Variants in WDR83 observed in about 807,000 individuals in gnomAD.
WDR83 encodes the protein WD repeat domain-containing protein 83.
A neutral mutation model predicts 37.7 loss-of-function variants in WDR83; 37 were observed. That is an observed-to-expected ratio of 0.98 (90% CI 0.76 to 1.29). The LOEUF (loss-of-function observed/expected upper bound fraction) is 1.29. Ranked by LOEUF, WDR83 falls within the 50% of genes most tolerant of loss-of-function variation. The pLI is 0.00. For synonymous variants in WDR83, 174 were observed against 181.1 expected, an observed-to-expected ratio of 0.96 and a Z score of 0.31; for missense variants, 445 against 414.4, an observed-to-expected ratio of 1.07 and a Z score of -0.64.
Position 12,670,074 on chromosome 19 carries a change from C to T in WDR83, c.201C>T (p.Gly67=). The T allele has an allele frequency of 6.2e-7, 1 of 1,611,952 alleles. No homozygotes were observed. The highest frequency in any genetic ancestry group is 1.1e-5 in the South Asian group (1 of 91,022). ...GTLLRTYSGH[G]YEVLDAAGSF... ...TGCTGCGGACGTACAGCGGCCACGG[C>T]TACGAGGTGCTGGATGCGGCCGGGT... The change falls in exon 4 of 11, where the codon GGC becomes GGT. Residue 67 remains glycine (G), a synonymous_variant. Coordinates refer to ENST00000418543, the MANE Select transcript of WDR83 (RefSeq NM_001099737.3).
chr19:12,668,023 C>T (rs1043597038), intron 1 of WDR83: 4 of 283,864 alleles, frequency 1.4e-5, no homozygotes, highest in African/African-American at 8.7e-5. Context: ...GGCTAGAGCC[C>T]TTCCCGCCAG....
intron 10 of WDR83, 46 bp downstream of exon 10, chr19:12,673,362 C>A: frequency 7.2e-7 from 1 of 1,388,096 alleles, no homozygotes; most frequent in Non-Finnish European, 1.0e-6. Context: ...CCTGCCCCAT[C>A]TCAGCCCTGT....
intron 2 of WDR83, chr19:12,669,332 C>T (rs1194021431): frequency 6.2e-7 from 1 of 1,605,406 alleles, no homozygotes; most frequent in Non-Finnish European, 8.5e-7. Flanking sequence ...CGAACCCGTG[C>T]CCACGACGCT....
At chr19:12,669,311 C>A in intron 2 of WDR83, 1 of 1,606,128 alleles carries the variant, frequency 6.2e-7, no homozygotes, top group South Asian at 1.1e-5. Flanking sequence ...CCCCGATCCA[C>A]ACCCACAACC....
At chr19:12,669,576 C>G in intron 2 of WDR83, 179 bp from the exon 3 acceptor site, 1 of 970,316 alleles carries the variant, frequency 1.0e-6, no homozygotes, top group Middle Eastern at 3.2e-4. Context: ...AGCCAGAAGT[C>G]TTCCTTTCAA....
chr19:12,669,913 T>G lies in WDR83; in HGVS notation c.103+20T>G. ...TTAATGGTGAGCGCCTTCGTCTTCA[T>G]TCCGGGTCCTCCTCCCGCCTCCTGA... is the stretch of plus-strand genomic sequence containing the variant. On this transcript the variant is annotated intron_variant, in intron 3 of 10. Transcript: ENST00000418543. The G allele has an allele frequency of 6.2e-7, 1 of 1,602,024 alleles. No homozygotes were observed. The highest frequency in any genetic ancestry group is 2.2e-5 in the East Asian group (1 of 44,534).
At chr19:12,674,380 C>T (rs917154065) in intron 10 of WDR83, among the ~76,000 whole-genome samples, 2 of 152,092 alleles carry the variant, frequency 1.3e-5, no homozygotes, top group African/African-American at 2.4e-5. Context: ...GGGGGAATCT[C>T]GGCAAAGGAG....
At chr19:12,672,387 T>C (rs150112793) in intron 7 of WDR83, 2,054 of 187,440 alleles carry the variant, frequency 0.011, 50 homozygotes, top group African/African-American at 0.044. Context: ...GGTGGGCGGA[T>C]CACCTGAGGT....
chr19:12,667,524 A>T (rs2024287221), intron 1 of WDR83, among the ~76,000 whole-genome samples: 1 of 152,190 alleles, frequency 6.6e-6, no homozygotes, highest in African/African-American at 2.4e-5. Context: ...ATGGTGGCAC[A>T]TGCCTGTAAT....
In WDR83 at chr19:12,675,717, T is replaced by C. The variant is rs775737102; in HGVS notation, c.*45T>C. ...AGGACCAAGGACCGAGACACAGACATGGAAGGACTTCAGATACCATCTTAT... is the reference window on the plus strand; with the variant it reads ...AGGACCAAGGACCGAGACACAGACACGGAAGGACTTCAGATACCATCTTAT... On this transcript the variant is annotated 3_prime_UTR_variant, in exon 11 of 11. Transcript: ENST00000418543. 11 of 1,592,428 alleles carry C rather than the reference T, an allele frequency of 6.9e-6. No homozygotes were observed. The highest frequency in any genetic ancestry group is 1.7e-5 in the Admixed American group (1 of 57,784).
intron 2 of WDR83, among the ~76,000 whole-genome samples, chr19:12,668,892 T>G (rs1183251415): frequency 6.6e-6 from 1 of 152,092 alleles, no homozygotes; most frequent in African/African-American, 2.4e-5. Context: ...CTCTCCAAGT[T>G]GCTTCAAAGC....
At chr19:12,667,016 A>G (rs947660574) in intron 1 of WDR83, 24 bp downstream of exon 1, 30 of 450,450 alleles carry the variant, frequency 6.7e-5, no homozygotes, top group Non-Finnish European at 9.6e-5. Context: ...TGCTTTTCCT[A>G]AGGGGGCCGG....
chr19:12,670,956 G>A (rs2024397474), intron 7 of WDR83, 135 bp downstream of exon 7: 12 of 1,372,908 alleles, frequency 8.7e-6, no homozygotes, highest in Non-Finnish European at 1.2e-5. Context: ...GGAGGCTGAA[G>A]TGGAAGGATC....
At chr19:12,670,322 G>A (rs777702516) in intron 5 of WDR83, 37 bp downstream of exon 5, 4 of 1,603,910 alleles carry the variant, frequency 2.5e-6, no homozygotes, top group African/African-American at 1.3e-5. Flanking sequence ...TTGAGTGGAG[G>A]GGACCCGTAT....
rs753804399 is a variant in WDR83 at position 12,670,683 on chromosome 19, C to T, written c.380-12C>T. On this transcript the variant is annotated splice_polypyrimidine_tract_variant and intron_variant, in intron 6 of 10. Coordinates refer to ENST00000418543, the MANE Select transcript of WDR83 (RefSeq NM_001099737.3). ...CTCCAAACCTGACCTCACCATCATG[C>T]TGGCCTCACAGGCTCTATTGATTCC... 4 of 1,614,236 alleles carry T rather than the reference C, an allele frequency of 2.5e-6. No individual in the cohort carries two copies. The highest frequency in any genetic ancestry group is 1.7e-6 in the Non-Finnish European group (2 of 1,180,036).
Position 12,669,807 on chromosome 19 carries a change from C to T in WDR83, c.17C>T (p.Pro6Leu). ...CCTGGGAGCATGGCTTTCCCTGAGC[C>T]AAAGCCGCGGCCTCCAGAGCTGCCG... MAFPE[P>L]KPRPPELPQK... The change falls in exon 3 of 11, where the codon CCA (proline) becomes CTA (leucine). Residue 6 changes from proline to leucine, a missense_variant. Transcript: ENST00000418543. The T allele has an allele frequency of 6.2e-7, 1 of 1,609,302 alleles. No individual in the cohort carries two copies. The highest frequency in any genetic ancestry group is 8.5e-7 in the Non-Finnish European group (1 of 1,177,692).
At chr19:12,672,418 G>GACCA (rs1181349972) in intron 7 of WDR83, 1 of 201,902 alleles carries the variant, frequency 5.0e-6, no homozygotes, top group African/African-American at 2.3e-5. Context: ...AGACCAGCCT[G>GACCA]ACCAACATGG....
intron 1 of WDR83, chr19:12,668,119 T>G: frequency 2.1e-6 from 1 of 483,310 alleles, no homozygotes. Flanking sequence ...AGAAAGCAAA[T>G]GAATACCCCT....
chr19:12,674,818 C>T (rs945368248), intron 10 of WDR83, among the ~76,000 whole-genome samples: 4 of 151,900 alleles, frequency 2.6e-5, no homozygotes, highest in Non-Finnish European at 5.9e-5. Context: ...ACATGTGGTA[C>T]AAGAAAAAGA....
Sources: gnomAD v4.1 joint callset for allele counts (sites outside exome capture counted in the v4.1 genomes callset) on GRCh38, gnomAD v4.1.1 for gene constraint, MANE v1.5 for transcripts, NCBI Gene and HGNC (gene_info 2026-07-23, HGNC 2026-07-21) for gene names.